Variants in MTMR14 observed in about 807,000 individuals in gnomAD.
MTMR14 encodes the protein myotubularin related protein 14, also known as phosphatidylinositol-3,5-bisphosphate 3-phosphatase MTMR14.
Under a neutral mutation model 86.3 loss-of-function variants are expected in MTMR14, and 48 were observed. The observed-to-expected ratio is 0.56, with a 90% CI of 0.44 to 0.71. MTMR14 has a LOEUF of 0.71. MTMR14 is among the 30% of genes least tolerant of loss of function. The pLI is 0.00. For synonymous variants in MTMR14, 366 were observed against 326.1 expected, an observed-to-expected ratio of 1.12 and a Z score of -1.32; for missense variants, 780 against 834.6, an observed-to-expected ratio of 0.93 and a Z score of 0.81.
chr3:9,688,674 C>T, intron 14 of MTMR14, 22 bp from the exon 15 acceptor site: 1 of 1,614,064 alleles, frequency 6.2e-7, no homozygotes, highest in Non-Finnish European at 8.5e-7. Flanking sequence ...CTGGAATTTA[C>T]TGCTCCGGCT....
intron 7 of MTMR14, among the ~76,000 whole-genome samples, chr3:9,673,080 A>G (rs1449213160): frequency 6.6e-6 from 1 of 152,224 alleles, no homozygotes; most frequent in East Asian, 1.9e-4. Flanking sequence ...TTTGATTTAT[A>G]TGAAAGTGGT....
rs567445988 is a variant in MTMR14, at chr3:9,684,476, A to G, written c.965-109A>G. On this transcript the variant is annotated intron_variant, in intron 10 of 18. Transcript: ENST00000296003. The stretch of plus-strand genomic sequence containing the variant: ...ATGGGGAGGCCACTGGGGAAGACAG[A>G]AGCTGGTGGGGCCTGGCTCCCTCCA... The G allele has an allele frequency of 4.6e-3, 4,636 of 1,004,300 alleles. 22 individuals are homozygous for G. The highest frequency in any genetic ancestry group is 5.9e-3 in the Non-Finnish European group (3,659 of 623,684). 62.2% of individuals were successfully genotyped at this position (1,004,300 alleles called of 1,614,324 possible).
At chr3:9,683,121 A>G in intron 9 of MTMR14, 57 bp from the exon 10 acceptor site, 1 of 1,530,792 alleles carries the variant, frequency 6.5e-7, no homozygotes, top group Non-Finnish European at 9.1e-7. Context: ...TATTTTTTAA[A>G]TACTTTAAAT....
chr3:9,650,310 T>A (rs1202907158), intron 1 of MTMR14: 1 of 456,696 alleles, frequency 2.2e-6, no homozygotes, highest in Non-Finnish European at 4.4e-6. Context: ...TTTTGCTCCC[T>A]TTGGGATTTC....
intron 17 of MTMR14, among the ~76,000 whole-genome samples, chr3:9,690,402 A>T (rs2076102199): frequency 6.6e-6 from 1 of 152,200 alleles, no homozygotes; most frequent in Admixed American, 6.5e-5. Flanking sequence ...TAGGTGGGGA[A>T]TAGGGACTGC....
At chr3:9,689,742 A>T (rs2076078945) in intron 16 of MTMR14, among the ~76,000 whole-genome samples, 1 of 152,204 alleles carries the variant, frequency 6.6e-6, no homozygotes, top group Non-Finnish European at 1.5e-5. Context: ...TCTAGCACAT[A>T]CTTCAAGACC....
intron 18 of MTMR14, chr3:9,699,539 C>T (rs2076389458): frequency 6.6e-6 from 1 of 152,220 alleles, no homozygotes; most frequent in Non-Finnish European, 1.5e-5. Context: ...AACTTAAGGC[C>T]AAATCCTAGC....
At position 9,672,778 on chromosome 3, in the gene MTMR14, T is replaced by C. The variant is rs763856383; in HGVS notation, c.751+20T>C. ...ATCCAGGTAGGGGGCTCTCTTCTAGTGGCAGGCATCCTAGGACTGGGGACC... is the reference window on the plus strand; with the variant it reads ...ATCCAGGTAGGGGGCTCTCTTCTAGCGGCAGGCATCCTAGGACTGGGGACC... On this transcript the variant is annotated intron_variant, in intron 7 of 18. Coordinates refer to ENST00000296003, the MANE Select transcript of MTMR14 (RefSeq NM_001077525.3). 5 of 1,612,328 alleles carry C rather than the reference T, an allele frequency of 3.1e-6. No homozygotes were observed. Among genetic ancestry groups the C allele is most frequent in the South Asian group, 2.2e-5 (2 of 91,034 alleles).
chr3:9,657,565 G>A (rs1402137910), intron 2 of MTMR14, among the ~76,000 whole-genome samples: 1 of 149,218 alleles, frequency 6.7e-6, no homozygotes, highest in Non-Finnish European at 1.5e-5. Context: ...TTTTCAATTT[G>A]ATATGGAGTC....
Position 9,671,119 on chromosome 3 carries a change from A to T in MTMR14, c.626A>T (p.Lys209Ile), listed in dbSNP as rs747671579. 2 of 1,614,222 alleles carry T rather than the reference A, an allele frequency of 1.2e-6. No homozygotes were observed. Among genetic ancestry groups the T allele is most frequent in the Non-Finnish European group, 8.5e-7 (1 of 1,180,032 alleles). The change falls in exon 6 of 19, where the codon AAA (lysine) becomes ATA (isoleucine). Residue 209 changes from lysine (K) to isoleucine (I), a missense_variant. By Grantham distance (102) the Lys-to-Ile change is moderately radical (BLOSUM62 -3). Transcript: ENST00000296003. ...DIKLLRYLSV[K>I]YICDLMVENK... ...AAGCTGCTTCGATACCTGTCAGTCA[A>T]ATACATCTGTGACCTGATGGTGGAG...
intron 14 of MTMR14, among the ~76,000 whole-genome samples, 195 bp downstream of exon 14, chr3:9,688,086 G>A (rs997269109): frequency 6.6e-6 from 1 of 152,200 alleles, no homozygotes; most frequent in East Asian, 1.9e-4. Flanking sequence ...TCTTCTGCAG[G>A]GAAGGCCATG....
chr3:9,651,893 G>A (rs1437892656), intron 1 of MTMR14, among the ~76,000 whole-genome samples: 4 of 151,060 alleles, frequency 2.6e-5, no homozygotes, highest in African/African-American at 4.9e-5. Flanking sequence ...ATGCAATGGC[G>A]TGATCTCGGC....
chr3:9,660,055 G>A (rs2047835500), intron 2 of MTMR14, among the ~76,000 whole-genome samples: 1 of 152,228 alleles, frequency 6.6e-6, no homozygotes, highest in African/African-American at 2.4e-5. Flanking sequence ...CACGGGCCAA[G>A]TAAGTGGGAG....
At chr3:9,664,423 G>A (rs1051421745) in intron 3 of MTMR14, among the ~76,000 whole-genome samples, 10 of 151,880 alleles carry the variant, frequency 6.6e-5, no homozygotes, top group Admixed American at 5.9e-4. Flanking sequence ...ACCTCTACCA[G>A]GTTGAGGAAG....
chr3:9,697,906 C>A (rs759723894), intron 18 of MTMR14, 40 bp downstream of exon 18: 44 of 1,612,326 alleles, frequency 2.7e-5, no homozygotes, highest in Non-Finnish European at 3.5e-5. Context: ...CTCCCCTGCC[C>A]ATGGGAAAAG....
intron 14 of MTMR14, 41 bp downstream of exon 14, chr3:9,687,932 T>C: frequency 1.3e-6 from 2 of 1,519,918 alleles, no homozygotes; most frequent in Non-Finnish European, 1.8e-6. Flanking sequence ...GCCAGGGCGC[T>C]CTGAGAAGGG....
Position 9,677,524 on chromosome 3 carries a change from C to A in MTMR14, c.822+137C>A. 1.3e-6 allele frequency: 1 copy of A among 748,108 alleles called. No individual in the cohort carries two copies. The highest frequency in any genetic ancestry group is 2.4e-6 in the Non-Finnish European group (1 of 419,168). 46.3% of individuals were successfully genotyped at this position (748,108 alleles called of 1,614,324 possible). On this transcript the variant is annotated intron_variant, in intron 8 of 18. Transcript: ENST00000296003. This position sits in a 1 kb window ranked among gnomAD's most constrained non-coding sequence, Gnocchi z 4.2. ...ACTCCCCTTTCCTCCCTGATTGTTT[C>A]TGTCTTCCTCTCCCTCTTCTCCTTG... is the stretch of plus-strand genomic sequence containing the variant.
Position 9,649,620 on chromosome 3 carries a change from G to A in MTMR14, c.37G>A (p.Ala13Thr). The part of the protein sequence containing the change: ...GARAAAAAAS[A>T]GSSASSGNQP... ...TCGGGCCGCCGCCGCCGCTGCCTCG[G>A]CGGGGTCCTCGGCCTCTTCAGGCAA... The change falls in exon 1 of 19, where the codon GCG (alanine) becomes ACG (threonine). Residue 13 changes from alanine to threonine, a missense_variant. Transcript: ENST00000296003. 2 of 1,553,834 alleles carry A rather than the reference G, an allele frequency of 1.3e-6. No homozygotes were observed. Among genetic ancestry groups the A allele is most frequent in the Non-Finnish European group, 1.7e-6 (2 of 1,149,872 alleles).
At chr3:9,655,246 A>G (rs973188888) in intron 2 of MTMR14, among the ~76,000 whole-genome samples, 1 of 151,748 alleles carries the variant, frequency 6.6e-6, no homozygotes, top group Non-Finnish European at 1.5e-5. Context: ...GGGCTCCTGT[A>G]ATCCCAGCTA....
Sources: allele counts gnomAD v4.1 joint callset (sites outside exome capture counted in the v4.1 genomes callset), GRCh38; gene constraint gnomAD v4.1.1; non-coding constraint Gnocchi (gnomAD v3.1); transcripts MANE v1.5; gene names NCBI Gene and HGNC (gene_info 2026-07-23, HGNC 2026-07-21).